The following RPP40 variants were observed in gnomAD, a reference collection of about 807,000 sequenced individuals.
RPP40 encodes ribonuclease P protein subunit p40.
RPP40 carries 30 observed loss-of-function variants against 42.5 expected under a neutral mutation model. The ratio of observed to expected loss-of-function variants is 0.71; its 90% CI spans 0.53 to 0.96. RPP40 has a LOEUF of 0.96. Ranked by LOEUF, RPP40 falls within the 40% of genes least tolerant of loss-of-function variation. The pLI, the probability that RPP40 is intolerant of heterozygous loss-of-function variation, is 0.00. For synonymous variants in RPP40, 173 were observed against 164.0 expected (o/e 1.05, Z -0.42); for missense variants, 426 against 433.5 (o/e 0.98, Z 0.15).
At chr6:4,995,406 G>C (rs1759343509) in intron 7 of RPP40, 130 bp from the exon 8 acceptor site, 1 of 684,950 alleles carries the variant, frequency 1.5e-6, no homozygotes, top group Admixed American at 2.9e-5. Context: ...TTTAATTTTT[G>C]AAAATCAAGA....
chr6:4,996,096 AAAAATAAAAGAG>A lies in RPP40; in HGVS notation c.759-23_759-12del. 1 of 1,613,650 alleles carries A rather than the reference AAAAATAAAAGAG, an allele frequency of 6.2e-7. No homozygotes were observed. ...TTAGGCTCATTATTTCTGTCACCAA[AAAAATAAAAGAG>A]AGAGAGATAACACATGTATATCCAT... is the stretch of plus-strand genomic sequence containing the variant. On this transcript the variant is annotated splice_polypyrimidine_tract_variant and intron_variant, in intron 6 of 7. Coordinates refer to ENST00000380051, the MANE Select transcript of RPP40 (RefSeq NM_006638.4).
chr6:5,002,403 C>G (rs1185423446), intron 1 of RPP40, among the ~76,000 whole-genome samples, 158 bp from the exon 2 acceptor site: 3 of 152,194 alleles, frequency 2.0e-5, no homozygotes, highest in African/African-American at 7.2e-5. Flanking sequence ...ACTTACCTAT[C>G]TCAGGCAAAG....
chr6:5,003,859 G>C, intron 1 of RPP40, 21 bp downstream of exon 1: 1 of 1,598,644 alleles, frequency 6.3e-7, no homozygotes, highest in Non-Finnish European at 8.6e-7. Flanking sequence ...GGCCCGAAAA[G>C]CCGAGGACAG....
In RPP40 at chr6:4,996,241, C is replaced by T. The variant is rs574413302; in HGVS notation, c.739G>A (p.Val247Ile). Reference sequence around the variant, plus strand: ...ACCCACAGGTCGACATTACTGAAGACGGCGCCGAGCCAGTCGAAGAGCTCC... The same window carrying T: ...ACCCACAGGTCGACATTACTGAAGATGGCGCCGAGCCAGTCGAAGAGCTCC... ...ALELFDWLGA[V>I]FSNVDLNNEP... Residue 247 changes from valine (V) to isoleucine (I), a missense_variant, in exon 6 of 8, where the codon GTC becomes ATC. Physicochemically the swap from Val to Ile is conservative, Grantham distance 29 (BLOSUM62 3). Transcript: ENST00000380051. 5.6e-5 allele frequency: 91 copies of T among 1,613,808 alleles called. 1 individual carries two copies. Among genetic ancestry groups the T allele is most frequent in the East Asian group, 8.9e-5 (4 of 44,878 alleles).
At chr6:5,003,805 C>G in intron 1 of RPP40, 75 bp downstream of exon 1, 2 of 1,526,132 alleles carry the variant, frequency 1.3e-6, no homozygotes, top group South Asian at 1.2e-5. Context: ...CCCGCGAAGC[C>G]TAGCACTCTC....
chr6:5,001,082 A>G (rs1358216651), intron 2 of RPP40: 1 of 457,106 alleles, frequency 2.2e-6, no homozygotes, highest in Non-Finnish European at 4.4e-6. Context: ...CTGACTCAGA[A>G]CGGAACGTGA....
intron 5 of RPP40, among the ~76,000 whole-genome samples, chr6:4,996,737 G>A (rs1759396098): frequency 6.6e-6 from 1 of 152,180 alleles, no homozygotes; most frequent in Non-Finnish European, 1.5e-5. Flanking sequence ...CCTGATGTAT[G>A]AATAATATTA....
At chr6:4,988,726 G>A in the RPP40 span, among the ~76,000 whole-genome samples, 1 of 152,136 alleles carries the variant, frequency 6.6e-6, no homozygotes, top group Non-Finnish European at 1.5e-5. Context: ...ACGCACTGAA[G>A]GACATTTGTT....
At position 4,998,756 on chromosome 6, in the gene RPP40, C is replaced by A; in HGVS notation, c.519G>T (p.Lys173Asn). The A allele has an allele frequency of 6.4e-7, 1 of 1,562,384 alleles. No individual in the cohort carries two copies. The highest frequency in any genetic ancestry group is 8.7e-7 in the Non-Finnish European group (1 of 1,147,850). ...ERISWSFKEK[K>N]PLKFDFLLAW... ...CCAAAAGAAAATCAAATTTCAATGG[C>A]TTCTTTTCTTTGAAAGACCAAGATA... The change falls in exon 5 of 8, where the codon AAG becomes AAT. Residue 173 changes from lysine (K) to asparagine (N), a missense_variant. Physicochemically the swap from Lys to Asn is moderately conservative, Grantham distance 94. Coordinates refer to ENST00000380051, the MANE Select transcript of RPP40 (RefSeq NM_006638.4).
chr6:4,993,829 T>C (rs1365609007), downstream of RPP40, among the ~76,000 whole-genome samples: 1 of 152,060 alleles, frequency 6.6e-6, no homozygotes, highest in Non-Finnish European at 1.5e-5. Context: ...GTGAAGCAGA[T>C]GGATTTATTC....
chr6:4,989,796 A>T (rs945935947), downstream of RPP40, among the ~76,000 whole-genome samples: 1 of 152,228 alleles, frequency 6.6e-6, no homozygotes, highest in African/African-American at 2.4e-5. Context: ...TGTATCCTGC[A>T]ACCTTGACAA....
At chr6:5,001,397 C>T (rs1441617867) in intron 2 of RPP40, among the ~76,000 whole-genome samples, 4 of 152,116 alleles carry the variant, frequency 2.6e-5, no homozygotes, top group African/African-American at 9.7e-5. Flanking sequence ...CATAAGTCGC[C>T]CCAGCAGTGT....
Position 4,995,168 on chromosome 6 carries a change from T to G in RPP40, c.1002A>C (p.Gly334=). 1 of 1,614,086 alleles carries G rather than the reference T, an allele frequency of 6.2e-7. No individual in the cohort carries two copies. The highest frequency in any genetic ancestry group is 8.5e-7 in the Non-Finnish European group (1 of 1,179,918). ...WEKNEHGFRK[G]GEHLYNFVIF... ...TCACAAAGTTATATAAATGTTCTCC[T>G]CCTTTTCGAAAACCATGTTCATTTT... Residue 334 remains glycine, a synonymous_variant, in exon 8 of 8, where the codon GGA becomes GGC. Coordinates refer to ENST00000380051, the MANE Select transcript of RPP40 (RefSeq NM_006638.4).
At chr6:4,989,358 C>T in the RPP40 span, among the ~76,000 whole-genome samples, 4,703 of 152,102 alleles carry the variant, frequency 0.031, 249 homozygotes, top group Admixed American at 0.13. Flanking sequence ...TAATATTAGT[C>T]GTCTAACTTG....
downstream of RPP40, among the ~76,000 whole-genome samples, chr6:4,992,368 CAAAAAA>C (rs56244686): frequency 1.8e-5 from 2 of 108,718 alleles, no homozygotes; most frequent in Admixed American, 9.3e-5. Flanking sequence ...GGCTCTGTCT[CAAAAAA>C]AAAAAAAAAA....
At chr6:4,988,965 T>C in the RPP40 span, among the ~76,000 whole-genome samples, 1 of 152,244 alleles carries the variant, frequency 6.6e-6, no homozygotes, top group Non-Finnish European at 1.5e-5. Context: ...TTTTTCAGCA[T>C]AGTTGTCAGA....
At chr6:5,000,774 A>C (rs771379353) in intron 2 of RPP40, 143 bp from the exon 3 acceptor site, 113 of 629,090 alleles carry the variant, frequency 1.8e-4, no homozygotes, top group Non-Finnish European at 2.8e-4. Flanking sequence ...CAATAAACCA[A>C]ACATCTGCTA....
chr6:4,996,956 A>G (rs1759402754), intron 5 of RPP40, among the ~76,000 whole-genome samples: 2 of 152,228 alleles, frequency 1.3e-5, no homozygotes, highest in South Asian at 2.1e-4. Flanking sequence ...CTTACTGTCC[A>G]GTATAATAGA....
the RPP40 span, among the ~76,000 whole-genome samples, chr6:4,988,493 A>G: frequency 6.6e-6 from 1 of 151,982 alleles, no homozygotes; most frequent in Non-Finnish European, 1.5e-5. Context: ...CACCCCCAAC[A>G]TCCCTAATCT....
Sources: gnomAD v4.1 joint callset for allele counts (sites outside exome capture counted in the v4.1 genomes callset) on GRCh38, gnomAD v4.1.1 for gene constraint, MANE v1.5 for transcripts, NCBI Gene and HGNC (gene_info 2026-07-23, HGNC 2026-07-21) for gene names.